Variants in KMT2C observed in about 807,000 individuals in gnomAD.
KMT2C encodes the protein lysine methyltransferase 2C.
In KMT2C, 88 loss-of-function variants were observed where a neutral mutation model predicts 507.9. The ratio of observed to expected loss-of-function variants is 0.17; its 90% CI spans 0.15 to 0.21. KMT2C has a LOEUF of 0.21. KMT2C is among the 10% of genes least tolerant of loss of function. The probability of loss-of-function intolerance (pLI) is 1.00; values close to 1 mark genes in which losing one functional copy is unlikely to be tolerated. For missense variants in KMT2C, 4,954 were observed against 5,957.8 expected, an observed-to-expected ratio of 0.83 and a Z score of 5.55; for synonymous variants, 2,049 against 2,080.8, an observed-to-expected ratio of 0.98 and a Z score of 0.42.
chr7:152,262,747 T>G (rs1184382729), intron 9 of KMT2C, among the ~76,000 whole-genome samples: 1 of 152,160 alleles, frequency 6.6e-6, no homozygotes, highest in African/African-American at 2.4e-5. Flanking sequence ...TGAATACTAA[T>G]CTATAGTGAA....
In KMT2C at chr7:152,182,999, T is replaced by C. The variant is rs1401680932; in HGVS notation, c.5240A>G (p.His1747Arg). The C allele has an allele frequency of 9.4e-6, 15 of 1,600,586 alleles. No homozygotes were observed. The highest frequency in any genetic ancestry group is 2.2e-5 in the East Asian group (1 of 44,766). Residue 1747 changes from histidine (H) to arginine (R), a missense_variant, in exon 35 of 59, where the codon CAT becomes CGT. His to Arg is a conservative substitution (Grantham distance 29, BLOSUM62 0). Transcript: ENST00000262189. Reference sequence around the variant, plus strand: ...CTGTCTAAATTTCCATTCCTGTTCATGTTCTGATTCTCTTTGCTTTAAAGG... The same window carrying C: ...CTGTCTAAATTTCCATTCCTGTTCACGTTCTGATTCTCTTTGCTTTAAAGG... The part of the protein sequence containing the change: ...KDPLKQRESE[H>R]EQEWKFRQQM...
chr7:152,277,799 A>C (rs2129179885), intron 6 of KMT2C, among the ~76,000 whole-genome samples: 1 of 152,340 alleles, frequency 6.6e-6, no homozygotes, highest in South Asian at 2.1e-4. Flanking sequence ...TAGGCCTATA[A>C]AAAATTATTT....
At chr7:152,233,632 TAAGAC>T (rs1159297283) in intron 16 of KMT2C, among the ~76,000 whole-genome samples, 1 of 151,862 alleles carries the variant, frequency 6.6e-6, no homozygotes, top group Admixed American at 6.6e-5. Context: ...AGGAAAAAAA[TAAGAC>T]AAGATGCAAA....
chr7:152,272,769 CAAAGA>C (rs914008926), intron 7 of KMT2C, among the ~76,000 whole-genome samples: 1 of 151,996 alleles, frequency 6.6e-6, no homozygotes, highest in African/African-American at 2.4e-5. Flanking sequence ...TGGTACTCAA[CAAAGA>C]AAAGGGTAAT....
intron 40 of KMT2C, among the ~76,000 whole-genome samples, chr7:152,169,866 A>C (rs1356409461): frequency 2.0e-5 from 3 of 152,164 alleles, no homozygotes; most frequent in Admixed American, 6.5e-5. Flanking sequence ...AAAAATAAAT[A>C]AAAAGTATTT....
intron 1 of KMT2C, among the ~76,000 whole-genome samples, chr7:152,433,886 C>T (rs1281233900): frequency 1.3e-5 from 2 of 152,282 alleles, no homozygotes; most frequent in South Asian, 2.1e-4. Flanking sequence ...TGCACAAGCA[C>T]GCCCTTACAG....
intron 3 of KMT2C, among the ~76,000 whole-genome samples, chr7:152,329,219 GAT>G (rs1221132173): frequency 6.6e-6 from 1 of 152,054 alleles, no homozygotes; most frequent in Non-Finnish European, 1.5e-5. Flanking sequence ...ACTAGCAAAA[GAT>G]AAAATGAGGA....
intron 1 of KMT2C, among the ~76,000 whole-genome samples, chr7:152,422,915 G>A (rs1203491382): frequency 2.0e-5 from 3 of 151,794 alleles, no homozygotes; most frequent in Non-Finnish European, 2.9e-5. Flanking sequence ...TACTCAGGAG[G>A]TGGAGGCAGG....
At chr7:152,423,763 T>C (rs994582889) in intron 1 of KMT2C, among the ~76,000 whole-genome samples, 1 of 152,200 alleles carries the variant, frequency 6.6e-6, no homozygotes, top group Non-Finnish European at 1.5e-5. Flanking sequence ...TACCCGGCTG[T>C]TAAGAATTGG....
At chr7:152,387,800 T>C (rs1183011402) in intron 1 of KMT2C, among the ~76,000 whole-genome samples, 1 of 152,128 alleles carries the variant, frequency 6.6e-6, no homozygotes, top group African/African-American at 2.4e-5. Context: ...AGAATATATA[T>C]GCCTATGTCT....
At chr7:152,377,590 C>T (rs571049685) in intron 1 of KMT2C, among the ~76,000 whole-genome samples, 1 of 152,050 alleles carries the variant, frequency 6.6e-6, no homozygotes, top group South Asian at 2.1e-4. Flanking sequence ...CAAAAATAAG[C>T]CGGGCGTGGT....
At position 152,194,458 on chromosome 7, in the gene KMT2C, C is replaced by G. The variant is rs2129129603; in HGVS notation, c.4489G>C (p.Asp1497His). Residue 1497 changes from aspartate to histidine, a missense_variant, in exon 29 of 59, where the codon GAC (aspartate) becomes CAC (histidine). Around this residue, in one of 29 missense-constraint regions of KMT2C, gnomAD observed 195 missense variants for 183.7 expected, o/e 1.06. Coordinates refer to ENST00000262189, the MANE Select transcript of KMT2C (RefSeq NM_170606.3). ...QLDGILSPELDKMVTDGAILG... is the reference protein window; with the variant it reads ...QLDGILSPELHKMVTDGAILG... Reference sequence around the variant, plus strand: ...ATTTTACCATCTGTGACCATTTTGTCTAGTTCAGGACTGAGGATCCCATCT... The same window carrying G: ...ATTTTACCATCTGTGACCATTTTGTGTAGTTCAGGACTGAGGATCCCATCT... The G allele has an allele frequency of 6.2e-7, 1 of 1,613,448 alleles. No homozygotes were observed. Among genetic ancestry groups the G allele is most frequent in the African/African-American group, 1.3e-5 (1 of 75,008 alleles).
At chr7:152,179,726 C>A (rs918553947) in intron 37 of KMT2C, 108 bp downstream of exon 37, 7 of 1,016,084 alleles carry the variant, frequency 6.9e-6, no homozygotes, top group African/African-American at 3.2e-5. Flanking sequence ...CTCAAGCAAT[C>A]CTCCTGCCTC....
intron 2 of KMT2C, among the ~76,000 whole-genome samples, chr7:152,335,093 T>C (rs2096921790): frequency 6.6e-6 from 1 of 152,088 alleles, no homozygotes; most frequent in South Asian, 2.1e-4. Flanking sequence ...CTACAACAAT[T>C]TGGAATGTAG....
At chr7:152,211,244 G>A (rs1405504074) in intron 23 of KMT2C, among the ~76,000 whole-genome samples, 1 of 152,180 alleles carries the variant, frequency 6.6e-6, no homozygotes, top group Non-Finnish European at 1.5e-5. Flanking sequence ...AAATGAAAAT[G>A]TATTTCCAAC....
At chr7:152,311,717 T>C (rs984757387) in intron 5 of KMT2C, 81 bp downstream of exon 5, 12 of 996,518 alleles carry the variant, frequency 1.2e-5, no homozygotes, top group Non-Finnish European at 1.7e-5. Context: ...AAGGTATTTA[T>C]TATTGAGGAC....
At chr7:152,375,614 G>A (rs1331539055) in intron 1 of KMT2C, among the ~76,000 whole-genome samples, 2 of 151,890 alleles carry the variant, frequency 1.3e-5, no homozygotes, top group African/African-American at 4.8e-5. Flanking sequence ...TCAAACTCCT[G>A]ACCTCAGGTG....
intron 2 of KMT2C, among the ~76,000 whole-genome samples, chr7:152,358,115 C>G (rs755404201): frequency 1.3e-5 from 2 of 152,192 alleles, no homozygotes; most frequent in Non-Finnish European, 2.9e-5. Flanking sequence ...CAACATACAG[C>G]AGCTTATTTA....
chr7:152,300,136 A>G (rs1563777912), intron 6 of KMT2C, among the ~76,000 whole-genome samples: 1 of 152,244 alleles, frequency 6.6e-6, no homozygotes, highest in Non-Finnish European at 1.5e-5. Context: ...CACTCTTACT[A>G]TAGTCCATTA....
Sources: allele counts gnomAD v4.1 joint callset (sites outside exome capture counted in the v4.1 genomes callset), GRCh38; gene constraint gnomAD v4.1.1; regional missense constraint gnomAD v4.1.1; transcripts MANE v1.5; gene names NCBI Gene and HGNC (gene_info 2026-07-23, HGNC 2026-07-21).